The following PTPRD variants were observed in gnomAD, a reference collection of about 807,000 sequenced individuals.
The protein encoded by PTPRD is protein tyrosine phosphatase receptor type D, also known as receptor-type tyrosine-protein phosphatase delta.
PTPRD carries 34 observed loss-of-function variants against 214.5 expected under a neutral mutation model. The ratio of observed to expected loss-of-function variants is 0.16; its 90% CI spans 0.12 to 0.21. PTPRD has a LOEUF of 0.21. Among genes scored for constraint, PTPRD ranks in the 10% least tolerant of loss-of-function variants. PTPRD has a pLI of 1.00. For missense variants in PTPRD, 2,545 were observed against 2,398.7 expected (o/e 1.06, Z -1.27); for synonymous variants, 1,128 against 845.7 (o/e 1.33, Z -5.79).
intron 11 of PTPRD, among the ~76,000 whole-genome samples, chr9:8,752,595 C>T (rs1002866492): frequency 6.6e-6 from 1 of 152,180 alleles, no homozygotes; most frequent in African/African-American, 2.4e-5. Flanking sequence ...CTCAAGAACC[C>T]TCTCTTGGGG....
intron 14 of PTPRD, among the ~76,000 whole-genome samples, chr9:8,625,410 A>C (rs56252722): frequency 6.9e-4 from 105 of 152,008 alleles, no homozygotes; most frequent in Non-Finnish European, 1.4e-3. Flanking sequence ...ATAAACAAAC[A>C]GAAAGAACTA....
chr9:8,756,610 C>T (rs1303127855), intron 11 of PTPRD, among the ~76,000 whole-genome samples: 1 of 152,012 alleles, frequency 6.6e-6, no homozygotes, highest in African/African-American at 2.4e-5. Flanking sequence ...GGAGTTCTAA[C>T]GTTGTTAGGG....
At chr9:10,439,943 T>C (rs13285866) in intron 2 of PTPRD, among the ~76,000 whole-genome samples, 4 of 151,740 alleles carry the variant, frequency 2.6e-5, no homozygotes, top group Non-Finnish European at 5.9e-5. Context: ...GTTATCTGTG[T>C]TGTTACGGTT....
chr9:10,027,602 C>T (rs10733201), intron 4 of PTPRD, among the ~76,000 whole-genome samples: 104,257 of 152,020 alleles, frequency 0.69, 36,637 homozygotes, highest in Middle Eastern at 0.82. Context: ...TTTGTTATAA[C>T]AATATATGGC....
intron 7 of PTPRD, among the ~76,000 whole-genome samples, chr9:9,615,010 G>C (rs1434756381): frequency 6.6e-6 from 1 of 152,178 alleles, no homozygotes; most frequent in Non-Finnish European, 1.5e-5. Context: ...GCAGGAGGAA[G>C]GGGCTTCCTG....
intron 2 of PTPRD, among the ~76,000 whole-genome samples, chr9:10,476,384 A>G (rs10809096): frequency 0.18 from 26,650 of 152,158 alleles, 2,552 homozygotes; most frequent in South Asian, 0.31. Context: ...CCCATTCACA[A>G]TTGCTACAAA....
intron 5 of PTPRD, among the ~76,000 whole-genome samples, chr9:9,807,690 C>T (rs2045871873): frequency 6.6e-6 from 1 of 152,166 alleles, no homozygotes; most frequent in Admixed American, 6.5e-5. Flanking sequence ...TTACAGCATT[C>T]TATTTCTACT....
At chr9:8,826,827 G>A (rs149604655) in intron 11 of PTPRD, among the ~76,000 whole-genome samples, 3 of 152,082 alleles carry the variant, frequency 2.0e-5, no homozygotes, top group East Asian at 1.9e-4. Context: ...AGAGCCTTGC[G>A]TGGTCTGGTC....
At chr9:10,058,510 C>T (rs530079925) in intron 3 of PTPRD, among the ~76,000 whole-genome samples, 43 of 152,180 alleles carry the variant, frequency 2.8e-4, no homozygotes, top group African/African-American at 9.9e-4. Context: ...AAACTCTCTA[C>T]TTATGTTAAT....
At chr9:8,458,462 T>C (rs948741840) in intron 33 of PTPRD, among the ~76,000 whole-genome samples, 2 of 152,140 alleles carry the variant, frequency 1.3e-5, no homozygotes, top group Non-Finnish European at 2.9e-5. Flanking sequence ...CAAAATGTCA[T>C]GTCATATGGT....
chr9:9,748,779 G>A (rs2098484054), intron 6 of PTPRD, among the ~76,000 whole-genome samples: 1 of 152,170 alleles, frequency 6.6e-6, no homozygotes, highest in Non-Finnish European at 1.5e-5. Flanking sequence ...ACACAGCAAA[G>A]TGATTTCATT....
At chr9:9,533,769 G>C (rs907275750) in intron 8 of PTPRD, among the ~76,000 whole-genome samples, 2 of 151,968 alleles carry the variant, frequency 1.3e-5, no homozygotes, top group African/African-American at 2.4e-5. Context: ...AAGGATATTT[G>C]TCTTAATAAT....
chr9:9,979,509 A>G (rs2095469887), intron 4 of PTPRD, among the ~76,000 whole-genome samples: 2 of 152,162 alleles, frequency 1.3e-5, no homozygotes, highest in South Asian at 4.1e-4. Flanking sequence ...TATTAAAATA[A>G]AAAATCAACA....
At chr9:8,429,682 G>T (rs1380251800) in intron 35 of PTPRD, among the ~76,000 whole-genome samples, 2 of 152,124 alleles carry the variant, frequency 1.3e-5, no homozygotes, top group Admixed American at 1.3e-4. Context: ...AGAACAGGAA[G>T]AAACTCAGCA....
intron 12 of PTPRD, among the ~76,000 whole-genome samples, chr9:8,660,519 G>A (rs1044821863): frequency 6.6e-6 from 1 of 152,066 alleles, no homozygotes; most frequent in Non-Finnish European, 1.5e-5. Context: ...TGCTTTATTG[G>A]TTACTGATCT....
At position 9,551,512 on chromosome 9, in the gene PTPRD, T is replaced by G. The variant is rs16929736; in HGVS notation, c.-237+23220A>C. 5.2e-3 allele frequency among the ~76,000 whole-genome samples: 784 copies of G among 152,036 alleles called. 16 individuals carry two copies. The highest frequency in any genetic ancestry group is 0.018 in the African/African-American group (760 of 41,532). ...AGAATATATATATATGAAAATTCAC[T>G]CTGTATCTACCTACTGGAGTTCTGA... On this transcript the variant is annotated intron_variant, in intron 8 of 45. Coordinates refer to ENST00000381196, the MANE Select transcript of PTPRD (RefSeq NM_002839.4).
At chr9:9,934,738 C>T (rs1359788865) in intron 5 of PTPRD, among the ~76,000 whole-genome samples, 1 of 151,782 alleles carries the variant, frequency 6.6e-6, no homozygotes, top group Non-Finnish European at 1.5e-5. Flanking sequence ...AGGCCAGCAT[C>T]ATTTTAATAC....
In PTPRD at chr9:8,552,606, G is replaced by A. The variant is rs145223704; in HGVS notation, c.353-23827C>T. ...CAAGCAAATAGGAAATCCAACCAGC[G>A]ACCAGATCAGGTAGGCAGCATAATG... On this transcript the variant is annotated intron_variant, in intron 14 of 45. Transcript: ENST00000381196. 3.0e-4 allele frequency among the ~76,000 whole-genome samples: 46 copies of A among 152,200 alleles called. 1 individual carries two copies. The highest frequency in any genetic ancestry group is 6.8e-3 in the Middle Eastern group (2 of 294).
At chr9:10,183,193 T>C (rs1185422155) in intron 3 of PTPRD, among the ~76,000 whole-genome samples, 1 of 152,064 alleles carries the variant, frequency 6.6e-6, no homozygotes, top group African/African-American at 2.4e-5. Flanking sequence ...AAAGAAACAA[T>C]ACACATTTTA....
Sources: allele counts gnomAD v4.1 joint callset (sites outside exome capture counted in the v4.1 genomes callset), GRCh38; gene constraint gnomAD v4.1.1; transcripts MANE v1.5; gene names NCBI Gene and HGNC (gene_info 2026-07-23, HGNC 2026-07-21).